EGFL6: variants seen among roughly 807,000 people sequenced by gnomAD.
EGFL6 encodes epidermal growth factor-like protein 6.
Under a neutral mutation model 43.1 loss-of-function variants are expected in EGFL6, and 42 were observed. The ratio of observed to expected loss-of-function variants is 0.98; its 90% CI spans 0.76 to 1.26. The LOEUF (loss-of-function observed/expected upper bound fraction) is 1.26. EGFL6 is among the 50% of genes most tolerant of loss of function. EGFL6 has a pLI of 0.00. For missense variants in EGFL6, 429 were observed against 427.8 expected (o/e 1.00, Z -0.02); for synonymous variants, 164 against 163.2 (o/e 1.01, Z -0.04).
intron 2 of EGFL6, among the ~76,000 whole-genome samples, chrX:13,589,904 A>G (rs1279941614): frequency 8.9e-6 from 1 of 112,896 alleles, no homozygotes; most frequent in East Asian, 2.8e-4. Context: ...TTTTGTGATT[A>G]TCTTAATGAG....
chrX:13,586,986 A>G (rs1023728294), intron 1 of EGFL6, among the ~76,000 whole-genome samples: 2 of 112,435 alleles, frequency 1.8e-5, no homozygotes, highest in Admixed American at 1.9e-4. Context: ...AAGGCTACAT[A>G]TTGTGGGATT....
rs1249469261 is a variant in EGFL6, at chrX:13,569,823, G to GA, written c.-38dup. 1 of 1,202,370 alleles carries GA rather than the reference G, an allele frequency of 8.3e-7. No individual in the cohort carries two copies. The highest frequency in any genetic ancestry group is 2.2e-5 in the Admixed American group (1 of 46,072). On this transcript the variant is annotated 5_prime_UTR_variant, in exon 1 of 12. Transcript: ENST00000361306. Reference sequence around the variant, plus strand: ...TACGGGGTCCGGCCGGCGCCCTCCCGAGGGGGGCTCAGGAGGAGGAAGGAG... The same window carrying GA: ...TACGGGGTCCGGCCGGCGCCCTCCCGAAGGGGGGCTCAGGAGGAGGAAGGAG...
At position 13,608,501 on chromosome X, in the gene EGFL6, A is replaced by G. The variant is rs143287924; in HGVS notation, c.778+55A>G. On this transcript the variant is annotated intron_variant, in intron 7 of 11. Transcript: ENST00000361306. Reference sequence around the variant, plus strand: ...CTATTCCCAATGAAGCATTCTCCCCATATCTCCTTCCTCCCTCTATTTCTC... The same window carrying G: ...CTATTCCCAATGAAGCATTCTCCCCGTATCTCCTTCCTCCCTCTATTTCTC... 6,001 of 1,160,461 alleles carry G rather than the reference A, an allele frequency of 5.2e-3. 333 individuals carry two copies. In the Admixed American group the frequency reaches 0.13, roughly 25 times the overall value.
At chrX:13,630,946 G>A (rs2045807530) in intron 11 of EGFL6, among the ~76,000 whole-genome samples, 1 of 112,434 alleles carries the variant, frequency 8.9e-6, no homozygotes, top group South Asian at 3.6e-4. Context: ...ATTTATATAA[G>A]TTTGAGCTTA....
At chrX:13,580,300 A>G (rs745930486) in intron 1 of EGFL6, among the ~76,000 whole-genome samples, 10 of 111,289 alleles carry the variant, frequency 9.0e-5, no homozygotes, top group Non-Finnish European at 1.7e-4. Flanking sequence ...TGCCATCTAT[A>G]TGTATATTCA....
intron 3 of EGFL6, among the ~76,000 whole-genome samples, chrX:13,598,068 T>C (rs1333917447): frequency 8.9e-6 from 1 of 112,354 alleles, no homozygotes; most frequent in Non-Finnish European, 1.9e-5. Flanking sequence ...CATCCATTAA[T>C]GGTGACAGGC....
chrX:13,577,896 G>A (rs5934111), intron 1 of EGFL6, among the ~76,000 whole-genome samples: 2 of 110,735 alleles, frequency 1.8e-5, no homozygotes, highest in Non-Finnish European at 3.8e-5. Flanking sequence ...TGCAGGCTCT[G>A]TGTTCTTTAA....
At chrX:13,620,058 G>A (rs749799295) in intron 9 of EGFL6, among the ~76,000 whole-genome samples, 2 of 112,191 alleles carry the variant, frequency 1.8e-5, no homozygotes, top group East Asian at 2.8e-4. Context: ...AGACTTCAAG[G>A]TTGTGGAAGG....
intron 1 of EGFL6, among the ~76,000 whole-genome samples, chrX:13,577,298 TTA>T (rs1199851773): frequency 0.08 from 1,894 of 23,750 alleles, 30 homozygotes; most frequent in African/African-American, 0.12. Flanking sequence ...TATATGAATT[TTA>T]TATATATATA....
chrX:13,609,113 A>C (rs1424184419), intron 7 of EGFL6, among the ~76,000 whole-genome samples: 1 of 112,437 alleles, frequency 8.9e-6, no homozygotes, highest in Non-Finnish European at 1.9e-5. Flanking sequence ...TTTCTCACTC[A>C]TGTAATATGT....
Position 13,633,420 on chromosome X carries a change from A to C in EGFL6, c.*325A>C, listed in dbSNP as rs1412688120. 1 of 145,074 alleles carries C rather than the reference A, an allele frequency of 6.9e-6. No individual in the cohort carries two copies. The highest frequency in any genetic ancestry group is 3.1e-5 in the African/African-American group (1 of 31,946). The allele number at this position is 145,074 out of a possible 1,213,427, so 12.0% of individuals were successfully genotyped here. ...CTACAACATTTCTAGAAAATAGAAA[A>C]AAAAGCACAGAGAAATGTTTAACTG... On this transcript the variant is annotated 3_prime_UTR_variant, in exon 12 of 12. Coordinates refer to ENST00000361306, the MANE Select transcript of EGFL6 (RefSeq NM_015507.4).
chrX:13,632,522 T>C (rs912665896), intron 11 of EGFL6, among the ~76,000 whole-genome samples: 4 of 109,201 alleles, frequency 3.7e-5, no homozygotes, highest in Non-Finnish European at 7.6e-5. Context: ...GCCAGGATGA[T>C]CTTGATCTCC....
chrX:13,632,926 G>T, intron 11 of EGFL6, 59 bp from the exon 12 acceptor site: 1 of 1,066,808 alleles, frequency 9.4e-7, no homozygotes, highest in Non-Finnish European at 1.3e-6. Context: ...TAAATAGCTT[G>T]ATTATATCAT....
chrX:13,632,298 T>G (rs1439817811), intron 11 of EGFL6, among the ~76,000 whole-genome samples: 1 of 67,640 alleles, frequency 1.5e-5, no homozygotes, highest in Non-Finnish European at 2.6e-5. Flanking sequence ...TGTTTTTTGG[T>G]TTTTTTTTTT....
intron 6 of EGFL6, 37 bp from the exon 7 acceptor site, chrX:13,608,287 G>A (rs2045670990): frequency 1.7e-6 from 2 of 1,204,168 alleles, no homozygotes; most frequent in African/African-American, 1.8e-5. Flanking sequence ...AGCAAGCTCT[G>A]TACCACAGAG....
chrX:13,606,870 A>G lies in EGFL6; in HGVS notation c.655+357A>G, dbSNP rs761812427. 2.7e-5 allele frequency among the ~76,000 whole-genome samples: 3 copies of G among 112,423 alleles called. No homozygotes were observed. The East Asian group carries it at 8.3e-4, about 31-fold the overall frequency. On this transcript the variant is annotated intron_variant, in intron 6 of 11. Transcript: ENST00000361306. Reference sequence around the variant, plus strand: ...AAATCAGAACAATAAAGCAGTATTTATATTTGGTAAAAGGAAGAATAACAA... The same window carrying G: ...AAATCAGAACAATAAAGCAGTATTTGTATTTGGTAAAAGGAAGAATAACAA...
intron 1 of EGFL6, among the ~76,000 whole-genome samples, chrX:13,586,584 T>C (rs2045534878): frequency 9.0e-6 from 1 of 110,925 alleles, no homozygotes; most frequent in South Asian, 3.8e-4. Flanking sequence ...TCATAAAGGC[T>C]CCAACCCCAT....
At chrX:13,630,207 C>T (rs969140764) in intron 11 of EGFL6, among the ~76,000 whole-genome samples, 6 of 111,886 alleles carry the variant, frequency 5.4e-5, no homozygotes, top group Non-Finnish European at 1.1e-4. Context: ...GGAAAGGGAC[C>T]ATCTTCCAGA....
chrX:13,578,091 A>G (rs1188268735), intron 1 of EGFL6, among the ~76,000 whole-genome samples: 2 of 112,082 alleles, frequency 1.8e-5, no homozygotes, highest in Admixed American at 9.5e-5. Flanking sequence ...TTAAAACTCA[A>G]AATACCAAAG....
Sources: allele counts gnomAD v4.1 joint callset (sites outside exome capture counted in the v4.1 genomes callset), GRCh38; gene constraint gnomAD v4.1.1; transcripts MANE v1.5; gene names NCBI Gene and HGNC (gene_info 2026-07-23, HGNC 2026-07-21).